Variants in ZCCHC7 observed in about 807,000 individuals in gnomAD.
ZCCHC7 encodes zinc finger CCHC domain-containing protein 7.
Under a neutral mutation model 52.0 loss-of-function variants are expected in ZCCHC7, and 35 were observed. The observed-to-expected ratio is 0.67, with a 90% confidence interval of 0.51 to 0.89. The LOEUF (loss-of-function observed/expected upper bound fraction) is 0.89, where lower values mean the gene tolerates loss of function less well. Among genes scored for constraint, ZCCHC7 ranks in the 40% least tolerant of loss-of-function variants. ZCCHC7 has a pLI of 0.00. For missense variants in ZCCHC7, 574 were observed against 649.1 expected (o/e 0.88, Z 1.26); for synonymous variants, 217 against 221.5 (o/e 0.98, Z 0.18).
chr9:37,326,986 A>C (rs1783597416), intron 5 of ZCCHC7: 1 of 152,150 alleles, frequency 6.6e-6, no homozygotes. Context: ...GATCAACTAT[A>C]CATAAGCAGC....
chr9:37,313,150 G>C (rs186071111), intron 5 of ZCCHC7, among the ~76,000 whole-genome samples: 49 of 152,260 alleles, frequency 3.2e-4, no homozygotes, highest in African/African-American at 1.2e-3. Context: ...TATGTACTTT[G>C]TTCCACCCAC....
At chr9:37,257,823 C>T (rs747077506) in intron 2 of ZCCHC7, among the ~76,000 whole-genome samples, 25 of 152,102 alleles carry the variant, frequency 1.6e-4, no homozygotes, top group Non-Finnish European at 3.7e-4. Context: ...GTTTCCTGAG[C>T]CCTCACTAGA....
chr9:37,287,221 G>A (rs1028408689), intron 2 of ZCCHC7, among the ~76,000 whole-genome samples: 1 of 149,898 alleles, frequency 6.7e-6, no homozygotes, highest in Non-Finnish European at 1.5e-5. Context: ...AGAAAAGTCT[G>A]TTAGTGGGGA....
chr9:37,261,549 A>G (rs912478218), intron 2 of ZCCHC7, among the ~76,000 whole-genome samples: 4 of 152,182 alleles, frequency 2.6e-5, no homozygotes, highest in Non-Finnish European at 4.4e-5. Context: ...CAAGATACTG[A>G]TTCCTTGTGT....
rs112681164 is a variant in ZCCHC7, at chr9:37,173,106, A to G, written c.610+46164A>G. On this transcript the variant is annotated intron_variant, in intron 2 of 8. Coordinates refer to ENST00000336755, the MANE Select transcript of ZCCHC7 (RefSeq NM_032226.3). Reference sequence around the variant, plus strand: ...TTGAGTGAGCAACGTGGCCATTCCAATAGGGACTCGAGTGAACAACGTGGG... The same window carrying G: ...TTGAGTGAGCAACGTGGCCATTCCAGTAGGGACTCGAGTGAACAACGTGGG... Among the ~76,000 whole-genome samples, 22 of 150,498 alleles carry G rather than the reference A, an allele frequency of 1.5e-4. 1 individual carries two copies. The highest frequency in any genetic ancestry group is 2.2e-4 in the African/African-American group (9 of 40,794).
At chr9:37,288,956 CAT>C (rs1276474338) in intron 2 of ZCCHC7, among the ~76,000 whole-genome samples, 1 of 152,166 alleles carries the variant, frequency 6.6e-6, no homozygotes, top group East Asian at 1.9e-4. Context: ...ACTTAAGACT[CAT>C]AATCCAGTAT....
chr9:37,134,503 T>C (rs1302863520), intron 2 of ZCCHC7, among the ~76,000 whole-genome samples: 1 of 152,254 alleles, frequency 6.6e-6, no homozygotes, highest in Non-Finnish European at 1.5e-5. Context: ...TTTAAAAATT[T>C]GGTTTTCTTT....
intron 2 of ZCCHC7, among the ~76,000 whole-genome samples, chr9:37,255,623 A>G (rs1206002093): frequency 6.6e-6 from 1 of 152,138 alleles, no homozygotes; most frequent in East Asian, 1.9e-4. Flanking sequence ...CTGTATTTTA[A>G]TATTTGCCAA....
intron 6 of ZCCHC7, among the ~76,000 whole-genome samples, chr9:37,348,041 C>G (rs922571106): frequency 2.2e-4 from 33 of 152,186 alleles, no homozygotes; most frequent in African/African-American, 8.0e-4. Context: ...GCCACTCTTA[C>G]ACTGTCCATG....
chr9:37,162,548 C>A (rs1255086417), intron 2 of ZCCHC7, among the ~76,000 whole-genome samples: 1 of 152,176 alleles, frequency 6.6e-6, no homozygotes, highest in Admixed American at 6.5e-5. Context: ...TGAGATTCAT[C>A]CATAAAGTAG....
At chr9:37,194,081 C>CT (rs1467549081) in intron 2 of ZCCHC7, among the ~76,000 whole-genome samples, 1 of 152,178 alleles carries the variant, frequency 6.6e-6, no homozygotes, top group African/African-American at 2.4e-5. Flanking sequence ...ATTAAGCACT[C>CT]TGACCAATTT....
At position 37,176,300 on chromosome 9, in the gene ZCCHC7, C is replaced by G. The variant is rs567433273; in HGVS notation, c.610+49358C>G. On this transcript the variant is annotated intron_variant, in intron 2 of 8. Transcript: ENST00000336755. ...GTGTTAGCCAGGATGGTCTCGATCTCCTGACCTCGTGATCCGCCTGCCTCG... is the reference window on the plus strand; with the variant it reads ...GTGTTAGCCAGGATGGTCTCGATCTGCTGACCTCGTGATCCGCCTGCCTCG... 2.0e-5 allele frequency among the ~76,000 whole-genome samples: 3 copies of G among 152,276 alleles called. No individual in the cohort carries two copies. The East Asian group carries it at 5.8e-4, about 29-fold the overall frequency.
intron 2 of ZCCHC7, among the ~76,000 whole-genome samples, chr9:37,239,278 A>G: frequency 6.6e-6 from 1 of 152,110 alleles, no homozygotes; most frequent in East Asian, 1.9e-4. Context: ...ATATAAAGCA[A>G]AGCAGTCATT....
chr9:37,136,425 T>G (rs921487428), intron 2 of ZCCHC7, among the ~76,000 whole-genome samples: 2 of 152,072 alleles, frequency 1.3e-5, no homozygotes, highest in Non-Finnish European at 2.9e-5. Context: ...TGTTGTTGTT[T>G]TTCAGACAGG....
At chr9:37,164,161 G>A (rs186487443) in intron 2 of ZCCHC7, among the ~76,000 whole-genome samples, 26 of 151,828 alleles carry the variant, frequency 1.7e-4, no homozygotes, top group African/African-American at 5.8e-4. Context: ...GGATCTTCTG[G>A]CCAGTCATGG....
chr9:37,355,453 A>G (rs1821638076), intron 8 of ZCCHC7, among the ~76,000 whole-genome samples: 1 of 152,086 alleles, frequency 6.6e-6, no homozygotes, highest in South Asian at 2.1e-4. Flanking sequence ...AGTTTGTTCT[A>G]TACCTTATTT....
intron 2 of ZCCHC7, among the ~76,000 whole-genome samples, chr9:37,288,078 A>C (rs569216229): frequency 6.6e-6 from 1 of 152,212 alleles, no homozygotes; most frequent in African/African-American, 2.4e-5. Flanking sequence ...CAAAAATTTG[A>C]GACCAGCCTG....
chr9:37,330,272 G>A (rs181505494), intron 6 of ZCCHC7, among the ~76,000 whole-genome samples: 5 of 151,638 alleles, frequency 3.3e-5, no homozygotes, highest in African/African-American at 1.2e-4. Flanking sequence ...AGTTATAGAA[G>A]TGTTCACTAT....
chr9:37,164,137 CTT>C (rs1325664365), intron 2 of ZCCHC7, among the ~76,000 whole-genome samples: 2 of 150,612 alleles, frequency 1.3e-5, no homozygotes, highest in African/African-American at 4.9e-5. Flanking sequence ...ATTTCTTTTT[CTT>C]TTTTTGAAAG....
Sources: gnomAD v4.1 joint callset for allele counts (sites outside exome capture counted in the v4.1 genomes callset) on GRCh38, gnomAD v4.1.1 for gene constraint, MANE v1.5 for transcripts, NCBI Gene and HGNC (gene_info 2026-07-23, HGNC 2026-07-21) for gene names.